The following POU2F3 variants were observed in gnomAD, a reference collection of about 807,000 sequenced individuals.
The protein encoded by POU2F3 is POU domain, class 2, transcription factor 3.
Under a neutral mutation model 59.2 loss-of-function variants are expected in POU2F3, and 23 were observed. The ratio of observed to expected loss-of-function variants is 0.39; its 90% confidence interval spans 0.28 to 0.55. The LOEUF (loss-of-function observed/expected upper bound fraction) is 0.55, where lower values mean the gene tolerates loss of function less well. POU2F3 is among the 20% of genes least tolerant of loss of function. POU2F3 has a pLI of 0.66. For missense variants in POU2F3, 473 were observed against 544.5 expected (o/e 0.87, Z 1.31); for synonymous variants, 190 against 214.6 (o/e 0.89, Z 1.00).
At position 120,309,584 on chromosome 11, in the gene POU2F3, C is replaced by T. The variant is rs765983414; in HGVS notation, c.1066C>T (p.Leu356=). The T allele has an allele frequency of 7.4e-6, 12 of 1,612,766 alleles. No homozygotes were observed. Among genetic ancestry groups the T allele is most frequent in the Non-Finnish European group, 8.5e-6 (10 of 1,178,880 alleles). The stretch of plus-strand genomic sequence containing the variant: ...CAAACCACCTGTCTACAACTCCCGG[C>T]TGGTGAGTGGCCAGGAACCAAGCTG... ...PIKPPVYNSR[L]VSPSGSLGPL... Residue 356 remains leucine, a splice_region_variant and synonymous_variant, in exon 10 of 13, where the codon CTG becomes TTG. Coordinates refer to ENST00000543440, the MANE Select transcript of POU2F3 (RefSeq NM_014352.4).
At chr11:120,292,899 TA>T in intron 3 of POU2F3, among the ~76,000 whole-genome samples, 1 of 152,218 alleles carries the variant, frequency 6.6e-6, no homozygotes, top group Non-Finnish European at 1.5e-5. Flanking sequence ...TTTATGGGCT[TA>T]AAATGAAGGG....
intron 2 of POU2F3, among the ~76,000 whole-genome samples, chr11:120,249,060 T>G (rs1304467925): frequency 6.6e-6 from 1 of 152,158 alleles, no homozygotes; most frequent in Non-Finnish European, 1.5e-5. Context: ...AATTTCCCCA[T>G]CTGCACTGGT....
At chr11:120,247,137 G>A (rs1214910663) in intron 2 of POU2F3, among the ~76,000 whole-genome samples, 1 of 152,150 alleles carries the variant, frequency 6.6e-6, no homozygotes, top group Non-Finnish European at 1.5e-5. Context: ...AAAAAAGAGA[G>A]TTTCATAGCT....
At chr11:120,236,713 G>A (rs764401604), upstream of POU2F3, 66 of 1,485,414 alleles carry the variant, frequency 4.4e-5, no homozygotes, top group Middle Eastern at 1.7e-4. Flanking sequence ...AAGGGGTAAA[G>A]GAGTTCTCTA....
At chr11:120,252,832 G>A (rs1939171154) in intron 2 of POU2F3, among the ~76,000 whole-genome samples, 1 of 152,186 alleles carries the variant, frequency 6.6e-6, no homozygotes, top group Non-Finnish European at 1.5e-5. Flanking sequence ...TGAGCCGTGA[G>A]GAGTTGGCTA....
intron 2 of POU2F3, among the ~76,000 whole-genome samples, chr11:120,268,269 G>C (rs1315271066): frequency 1.3e-5 from 2 of 152,078 alleles, no homozygotes; most frequent in Non-Finnish European, 2.9e-5. Flanking sequence ...CGTCCTCTCG[G>C]TAGGGTGATT....
At chr11:120,236,748 T>C, upstream of POU2F3, 2 of 1,433,500 alleles carry the variant, frequency 1.4e-6, no homozygotes, top group Admixed American at 2.0e-5. Context: ...CTCATCTAAC[T>C]GAAATGATCA....
chr11:120,311,944 G>C (rs1034292468), intron 10 of POU2F3, among the ~76,000 whole-genome samples: 5 of 152,152 alleles, frequency 3.3e-5, no homozygotes, highest in African/African-American at 1.2e-4. Context: ...GGAGTGTTGG[G>C]CAGGAATGAG....
Position 120,263,280 on chromosome 11 carries a change from G to A in POU2F3, c.98-5930G>A, listed in dbSNP as rs915306003. Among the ~76,000 whole-genome samples the A allele has an allele frequency of 6.6e-5, 10 of 152,212 alleles. No homozygotes were observed. The South Asian group carries it at 1.0e-3, about 16-fold the overall frequency. On this transcript the variant is annotated intron_variant, in intron 2 of 12. Coordinates refer to ENST00000543440, the MANE Select transcript of POU2F3 (RefSeq NM_014352.4). ...GCTGGGATTACAGGCGTGACCCACCGCGCCCAGCCTACCATCTTAACCATT... is the reference window on the plus strand; with the variant it reads ...GCTGGGATTACAGGCGTGACCCACCACGCCCAGCCTACCATCTTAACCATT...
chr11:120,241,905 G>A (rs1938680812), intron 1 of POU2F3, among the ~76,000 whole-genome samples: 1 of 152,060 alleles, frequency 6.6e-6, no homozygotes, highest in Non-Finnish European at 1.5e-5. Flanking sequence ...TGAGGCATAG[G>A]GCTTGGCCTC....
At chr11:120,313,433 A>G (rs1358332860) in intron 10 of POU2F3, among the ~76,000 whole-genome samples, 2 of 152,228 alleles carry the variant, frequency 1.3e-5, no homozygotes, top group African/African-American at 2.4e-5. Flanking sequence ...AGTTACACTA[A>G]CACTTGTGAT....
intron 3 of POU2F3, among the ~76,000 whole-genome samples, chr11:120,292,644 G>A (rs529387905): frequency 2.6e-5 from 4 of 152,314 alleles, no homozygotes; most frequent in South Asian, 2.1e-4. Context: ...CCAAAAGAAC[G>A]AGCAGATGCT....
chr11:120,260,601 T>C (rs1565360944), intron 2 of POU2F3, among the ~76,000 whole-genome samples: 1 of 152,256 alleles, frequency 6.6e-6, no homozygotes, highest in Non-Finnish European at 1.5e-5. Context: ...ATTCAAATTC[T>C]GTGGACCTAG....
chr11:120,309,837 G>T (rs1437642814), intron 10 of POU2F3, among the ~76,000 whole-genome samples: 3 of 152,202 alleles, frequency 2.0e-5, no homozygotes, highest in African/African-American at 4.8e-5. Flanking sequence ...GTCAGGGAAT[G>T]AAATACATGG....
chr11:120,257,664 G>A (rs1199600210), intron 2 of POU2F3, among the ~76,000 whole-genome samples: 1 of 152,110 alleles, frequency 6.6e-6, no homozygotes, highest in African/African-American at 2.4e-5. Flanking sequence ...GAAAGGACAT[G>A]GCATCTCCAC....
chr11:120,299,767 A>C, intron 5 of POU2F3, 41 bp downstream of exon 5: 1 of 1,552,604 alleles, frequency 6.4e-7, no homozygotes, highest in Non-Finnish European at 8.8e-7. Flanking sequence ...AAGTCCAGTC[A>C]AGTGCTGCTG....
At chr11:120,313,497 T>C (rs1941707533) in intron 10 of POU2F3, among the ~76,000 whole-genome samples, 5 of 152,214 alleles carry the variant, frequency 3.3e-5, no homozygotes, top group Admixed American at 3.3e-4. Context: ...TGGGTCTCAT[T>C]GAGACAGTCC....
At chr11:120,265,676 C>G (rs1939801526) in intron 2 of POU2F3, among the ~76,000 whole-genome samples, 1 of 152,216 alleles carries the variant, frequency 6.6e-6, no homozygotes, top group Non-Finnish European at 1.5e-5. Flanking sequence ...GTCTCACTAA[C>G]AACATCATAA....
intron 1 of POU2F3, 150 bp downstream of exon 1, chr11:120,240,521 C>A (rs988842896): frequency 3.7e-6 from 4 of 1,079,618 alleles, no homozygotes; most frequent in Admixed American, 8.8e-5. Flanking sequence ...GGGGTGGGTG[C>A]CGGTCAGTAT....
Sources: gnomAD v4.1 joint callset for allele counts (sites outside exome capture counted in the v4.1 genomes callset) on GRCh38, gnomAD v4.1.1 for gene constraint, MANE v1.5 for transcripts, NCBI Gene and HGNC (gene_info 2026-07-23, HGNC 2026-07-21) for gene names.